DIXDC1: variants seen among roughly 807,000 people sequenced by gnomAD.
The protein encoded by DIXDC1 is DIX domain containing 1.
In DIXDC1, 64 loss-of-function variants were observed where a neutral mutation model predicts 103.1. The ratio of observed to expected loss-of-function variants is 0.62; its 90% CI spans 0.51 to 0.76. The LOEUF is 0.76. DIXDC1 is among the 30% of genes least tolerant of loss of function. The pLI, the probability that DIXDC1 is intolerant of heterozygous loss-of-function variation, is 0.00. For missense variants in DIXDC1, 759 were observed against 834.2 expected, an observed-to-expected ratio of 0.91 and a Z score of 1.11; for synonymous variants, 266 against 298.5, an observed-to-expected ratio of 0.89 and a Z score of 1.12.
In DIXDC1 at chr11:111,982,459, A is replaced by G; in HGVS notation, c.890A>G (p.Glu297Gly). ...QQEYLEKEME[E>G]AKKMISGLQA... ...GAATATTTAGAAAAAGAAATGGAGG[A>G]AGCAAAGAAAATGATATCAGGACTA... Residue 297 changes from glutamate (E) to glycine (G), a missense_variant, in exon 7 of 20, where the codon GAA becomes GGA. Physicochemically the swap from Glu to Gly is moderately conservative, Grantham distance 98. Coordinates refer to ENST00000440460, the MANE Select transcript of DIXDC1 (RefSeq NM_001037954.4). The G allele has an allele frequency of 1.2e-6, 2 of 1,613,510 alleles. No homozygotes were observed. The highest frequency in any genetic ancestry group is 1.7e-6 in the Non-Finnish European group (2 of 1,179,676).
rs1264730015 is a variant in DIXDC1, at chr11:111,993,377, AGGAAAGG to A, written c.1273-118_1273-112del. Reference sequence around the variant, plus strand: ...GTGTAAAGTCTTCCTGGTATATTTGAGGAAAGGACTTTTTTTCCTGAGGCTCTACTTT... The same window carrying A: ...GTGTAAAGTCTTCCTGGTATATTTGAACTTTTTTTCCTGAGGCTCTACTTT... On this transcript the variant is annotated intron_variant, in intron 12 of 19. Transcript: ENST00000440460. 141 of 985,754 alleles carry A rather than the reference AGGAAAGG, an allele frequency of 1.4e-4. 1 individual carries two copies. In the African/African-American group the frequency reaches 2.1e-3, roughly 15 times the overall value. The allele number at this position is 985,754 out of a possible 1,614,324, so 61.1% of individuals were successfully genotyped here. A position where few individuals can be genotyped will look rare whatever the true frequency, so the allele number is the denominator to read the frequency against.
chr11:111,955,833 C>CAAAAAAAA (rs781822030), intron 1 of DIXDC1, among the ~76,000 whole-genome samples: 1 of 17,660 alleles, frequency 5.7e-5, no homozygotes, highest in African/African-American at 1.4e-4. Flanking sequence ...GACTCTAGCT[C>CAAAAAAAA]AAAAAAAAAA....
At chr11:112,002,214 G>A (rs1179636702) in intron 17 of DIXDC1, among the ~76,000 whole-genome samples, 1 of 150,272 alleles carries the variant, frequency 6.7e-6, no homozygotes, top group Non-Finnish European at 1.5e-5. Flanking sequence ...TCTTACCCCA[G>A]TTAAAATGCC....
intron 1 of DIXDC1, among the ~76,000 whole-genome samples, chr11:111,955,494 A>G (rs587657813): frequency 1.2e-3 from 188 of 152,164 alleles, no homozygotes; most frequent in African/African-American, 4.4e-3. Flanking sequence ...GGAACAGGCC[A>G]TATGGTTCAG....
chr11:112,007,369 T>C (rs1475758690), intron 17 of DIXDC1, among the ~76,000 whole-genome samples: 6 of 152,152 alleles, frequency 3.9e-5, no homozygotes, highest in Admixed American at 3.9e-4. Context: ...TGGAACCAAG[T>C]TGGAAAACAC....
intron 17 of DIXDC1, among the ~76,000 whole-genome samples, chr11:111,996,551 T>C (rs1363893691): frequency 6.6e-6 from 1 of 152,204 alleles, no homozygotes; most frequent in Non-Finnish European, 1.5e-5. Context: ...GAGATATTCT[T>C]AAAACTTTGA....
intron 1 of DIXDC1, among the ~76,000 whole-genome samples, chr11:111,939,002 C>T (rs587633673): frequency 6.6e-6 from 1 of 152,298 alleles, no homozygotes; most frequent in East Asian, 1.9e-4. Flanking sequence ...TGAGTGATTC[C>T]AATATTCTGG....
chr11:112,015,241 AAG>A (rs1861550608), intron 17 of DIXDC1: 1 of 152,276 alleles, frequency 6.6e-6, no homozygotes, highest in African/African-American at 2.4e-5. Flanking sequence ...TTTGTGTTCA[AAG>A]AGGGGACGTT....
intron 1 of DIXDC1, among the ~76,000 whole-genome samples, chr11:111,947,204 T>G (rs1555169468): frequency 6.6e-6 from 1 of 152,110 alleles, no homozygotes; most frequent in Non-Finnish European, 1.5e-5. Flanking sequence ...CCTGGCCTAA[T>G]CAGAGAAGCA....
intron 1 of DIXDC1, among the ~76,000 whole-genome samples, chr11:111,952,858 C>T (rs587602478): frequency 1.3e-3 from 198 of 150,692 alleles, no homozygotes; most frequent in African/African-American, 4.5e-3. Context: ...GCTGTGGTGG[C>T]GTGTGACTAT....
intron 5 of DIXDC1, chr11:111,975,592 A>G (rs1860071479): frequency 3.0e-6 from 3 of 985,834 alleles, no homozygotes; most frequent in East Asian, 1.1e-4. Flanking sequence ...AGTGGCAGAA[A>G]AAAGATTACT....
At position 111,985,329 on chromosome 11, in the gene DIXDC1, C is replaced by T. The variant is rs782205981; in HGVS notation, c.1008+8C>T. The T allele has an allele frequency of 2.2e-5, 36 of 1,607,818 alleles. No homozygotes were observed. The highest frequency in any genetic ancestry group is 2.9e-5 in the Non-Finnish European group (34 of 1,176,676). On this transcript the variant is annotated splice_region_variant and intron_variant, in intron 8 of 19. Transcript: ENST00000440460. ...AATCCCGAGGAACAACTGGTGAGCT[C>T]CATCTTTTGTGATTGGACACTAAAT...
Position 111,976,543 on chromosome 11 carries a change from C to T in DIXDC1, c.656+1560C>T, listed in dbSNP as rs1860101859. Among the ~76,000 whole-genome samples the T allele has an allele frequency of 6.6e-6, 1 of 152,154 alleles. No homozygotes were observed. The highest frequency in any genetic ancestry group is 6.5e-5 in the Admixed American group (1 of 15,272). ...TAGCTGCCTTTTCCTCAGTGAGTCCCTGGGGAAGGAGAGGGCTTCTTGTGG... is the reference window on the plus strand; with the variant it reads ...TAGCTGCCTTTTCCTCAGTGAGTCCTTGGGGAAGGAGAGGGCTTCTTGTGG... On this transcript the variant is annotated intron_variant, in intron 5 of 19. Coordinates refer to ENST00000440460, the MANE Select transcript of DIXDC1 (RefSeq NM_001037954.4). This position sits in a 1 kb window ranked among gnomAD's most constrained non-coding sequence, Gnocchi z 4.3.
Position 112,020,868 on chromosome 11 carries a change from A to G in DIXDC1, c.*1832A>G, listed in dbSNP as rs1271620147. On this transcript the variant is annotated 3_prime_UTR_variant, in exon 20 of 20. Transcript: ENST00000440460. ...GAAAGTTTGGGAAAGTCAGCAAAAG[A>G]AAGAATGCATTTCGAAAGCAAACAG... is the stretch of plus-strand genomic sequence containing the variant. 1 of 152,240 alleles carries G rather than the reference A, an allele frequency of 6.6e-6. No homozygotes were observed. Among genetic ancestry groups the G allele is most frequent in the African/African-American group, 2.4e-5 (1 of 41,464 alleles). The allele number at this position is 152,240 out of a possible 1,614,324, so 9.4% of individuals were successfully genotyped here. A position where few individuals can be genotyped will look rare whatever the true frequency, so the allele number is the denominator to read the frequency against.
At chr11:111,966,228 CTT>C (rs71060203) in intron 2 of DIXDC1, among the ~76,000 whole-genome samples, 1 of 91,696 alleles carries the variant, frequency 1.1e-5, no homozygotes, top group Non-Finnish European at 2.0e-5. Flanking sequence ...TTTTTTTTTC[CTT>C]TTTTTTTTTT....
intron 6 of DIXDC1, among the ~76,000 whole-genome samples, chr11:111,981,880 T>C (rs935636946): frequency 1.3e-5 from 2 of 152,214 alleles, no homozygotes; most frequent in Admixed American, 6.5e-5. Flanking sequence ...CACACAGTAT[T>C]CTACATGAAA....
intron 1 of DIXDC1, among the ~76,000 whole-genome samples, chr11:111,941,595 G>A (rs1555168843): frequency 6.6e-6 from 1 of 151,928 alleles, no homozygotes; most frequent in African/African-American, 2.4e-5. Context: ...GCAGGAGGAT[G>A]GCTTGAGCCC....
At chr11:111,963,585 G>T (rs1859642138) in intron 1 of DIXDC1, among the ~76,000 whole-genome samples, 1 of 152,128 alleles carries the variant, frequency 6.6e-6, no homozygotes, top group African/African-American at 2.4e-5. Context: ...TAAATTTTAG[G>T]CTCAGGGTCC....
chr11:112,017,680 T>G lies in DIXDC1; in HGVS notation c.1863-97T>G. 1.0e-6 allele frequency: 1 copy of G among 982,142 alleles called. No individual in the cohort carries two copies. Among genetic ancestry groups the G allele is most frequent in the Non-Finnish European group, 1.5e-6 (1 of 652,498 alleles). The allele number at this position is 982,142 out of a possible 1,614,324, so 60.8% of individuals were successfully genotyped here. On this transcript the variant is annotated intron_variant, in intron 18 of 19. Coordinates refer to ENST00000440460, the MANE Select transcript of DIXDC1 (RefSeq NM_001037954.4). The surrounding 1 kb of genome is among the most constrained non-coding windows in gnomAD (Gnocchi z 4.0). ...TGACCTAACAAGGGGCTATTTCTGC[T>G]TATTGACTTTGGCAGGGGGCTGTGT...
Sources: gnomAD v4.1 joint callset for allele counts (sites outside exome capture counted in the v4.1 genomes callset) on GRCh38, gnomAD v4.1.1 for gene constraint, Gnocchi (gnomAD v3.1) non-coding constraint, MANE v1.5 for transcripts, NCBI Gene and HGNC (gene_info 2026-07-23, HGNC 2026-07-21) for gene names.